Variants in ABCD2 observed in about 807,000 individuals in gnomAD.
The protein encoded by ABCD2 is ATP binding cassette subfamily D member 2, also known as ATP-binding cassette sub-family D member 2.
A neutral mutation model predicts 70.9 loss-of-function variants in ABCD2; 36 were observed. The observed-to-expected ratio is 0.51, with a 90% CI of 0.39 to 0.67. The LOEUF is 0.67. Among genes scored for constraint, ABCD2 ranks in the 30% least tolerant of loss-of-function variants. The probability of loss-of-function intolerance (pLI) is 0.00; values close to 1 mark genes in which losing one functional copy is unlikely to be tolerated. For missense variants in ABCD2, 729 were observed against 890.2 expected, an observed-to-expected ratio of 0.82 and a Z score of 2.30; for synonymous variants, 304 against 306.9, an observed-to-expected ratio of 0.99 and a Z score of 0.10.
chr12:39,600,317 A>C (rs183974170), intron 6 of ABCD2, among the ~76,000 whole-genome samples: 1,636 of 152,260 alleles, frequency 0.011, 19 homozygotes, highest in Non-Finnish European at 0.017. Flanking sequence ...TTATTCCTTG[A>C]GACTAACATC....
rs1419494696 is a variant in ABCD2, at chr12:39,551,719, T to C, written c.*2193A>G. On this transcript the variant is annotated 3_prime_UTR_variant, in exon 10 of 10. Transcript: ENST00000308666. ...AATCCTGTGCATCATAAATAATGAG[T>C]CTTTTTTGCTTTAGCTCATGGGTAA... The C allele has an allele frequency of 6.6e-6, 1 of 151,830 alleles. No homozygotes were observed. Among genetic ancestry groups the C allele is most frequent in the Non-Finnish European group, 1.5e-5 (1 of 67,750 alleles). The allele number at this position is 151,830 out of a possible 1,614,324, so 9.4% of individuals were successfully genotyped here.
chr12:39,595,250 CTTAAA>C (rs1941800938), intron 6 of ABCD2, among the ~76,000 whole-genome samples: 1 of 151,892 alleles, frequency 6.6e-6, no homozygotes. Flanking sequence ...TCTTAAGATG[CTTAAA>C]TGTGATAATC....
intron 8 of ABCD2, among the ~76,000 whole-genome samples, chr12:39,576,771 G>A (rs1941523118): frequency 6.6e-6 from 1 of 152,148 alleles, no homozygotes; most frequent in Non-Finnish European, 1.5e-5. Context: ...GGATTGGAAG[G>A]GAGGATGAGT....
At chr12:39,540,371 T>C in the ABCD2 span, among the ~76,000 whole-genome samples, 1 of 152,166 alleles carries the variant, frequency 6.6e-6, no homozygotes. Context: ...ACCCTATGTA[T>C]CCTGACTTAC....
At chr12:39,599,798 G>A (rs1216346427) in intron 6 of ABCD2, among the ~76,000 whole-genome samples, 1 of 152,206 alleles carries the variant, frequency 6.6e-6, no homozygotes, top group East Asian at 1.9e-4. Context: ...TTCCAGCCTA[G>A]GCGCTTGTTA....
intron 8 of ABCD2, among the ~76,000 whole-genome samples, chr12:39,575,947 C>T (rs1425541781): frequency 1.3e-5 from 2 of 152,162 alleles, no homozygotes; most frequent in Non-Finnish European, 2.9e-5. Flanking sequence ...TTTGGGTTAA[C>T]ATTTATTAAT....
chr12:39,531,428 G>T, the ABCD2 span, among the ~76,000 whole-genome samples: 2 of 152,162 alleles, frequency 1.3e-5, no homozygotes, highest in African/African-American at 4.8e-5. Context: ...TTGTTAGACC[G>T]TTTTGACCTT....
chr12:39,599,465 G>A (rs1244958504), intron 6 of ABCD2, among the ~76,000 whole-genome samples: 1 of 152,184 alleles, frequency 6.6e-6, no homozygotes, highest in Non-Finnish European at 1.5e-5. Context: ...AGCATAGACA[G>A]AAAGGGACAA....
chr12:39,616,936 C>T, intron 2 of ABCD2, 52 bp downstream of exon 2: 1 of 1,488,788 alleles, frequency 6.7e-7, no homozygotes, highest in Non-Finnish European at 9.0e-7. Flanking sequence ...ATGACAACTT[C>T]AAAAGAAATA....
At chr12:39,567,992 T>A in intron 9 of ABCD2, among the ~76,000 whole-genome samples, 1 of 151,838 alleles carries the variant, frequency 6.6e-6, no homozygotes, top group Non-Finnish European at 1.5e-5. Context: ...TGCTGATAGA[T>A]CAGCTGTTAG....
At chr12:39,555,694 A>G (rs983795686) in intron 9 of ABCD2, among the ~76,000 whole-genome samples, 15 of 152,178 alleles carry the variant, frequency 9.9e-5, no homozygotes, top group African/African-American at 3.4e-4. Flanking sequence ...AGACTCCTAC[A>G]GACCCTCACT....
chr12:39,531,228 T>A, the ABCD2 span, among the ~76,000 whole-genome samples: 1 of 152,288 alleles, frequency 6.6e-6, no homozygotes, highest in African/African-American at 2.4e-5. Flanking sequence ...CTGTCTTTGG[T>A]GTCCATTAAT....
intron 6 of ABCD2, among the ~76,000 whole-genome samples, chr12:39,599,990 A>T (rs1941874487): frequency 6.6e-6 from 1 of 152,172 alleles, no homozygotes; most frequent in Non-Finnish European, 1.5e-5. Context: ...AATTTTAGAC[A>T]TTTCTAATTG....
In ABCD2 at chr12:39,559,261, A is replaced by G. The variant is rs149989145; in HGVS notation, c.2004-5130T>C. On this transcript the variant is annotated intron_variant, in intron 9 of 9. Coordinates refer to ENST00000308666, the MANE Select transcript of ABCD2 (RefSeq NM_005164.4). ...GTGGTGTGTGCCTGTACTCTCAGCT[A>G]TTTGGGATGCTGAGGCAGGGCAGGA... is the stretch of plus-strand genomic sequence containing the variant. 3.2e-3 allele frequency among the ~76,000 whole-genome samples: 479 copies of G among 150,784 alleles called. 6 individuals carry two copies. Among genetic ancestry groups the G allele is most frequent in the African/African-American group, 0.011 (470 of 41,228 alleles).
At chr12:39,610,073 G>A (rs1942024846) in intron 2 of ABCD2, among the ~76,000 whole-genome samples, 3 of 152,158 alleles carry the variant, frequency 2.0e-5, no homozygotes, top group South Asian at 4.1e-4. Context: ...TAGATTTTGA[G>A]AGACGTCTTG....
downstream of ABCD2, among the ~76,000 whole-genome samples, chr12:39,546,462 G>C (rs1000757023): frequency 2.6e-5 from 4 of 152,072 alleles, no homozygotes; most frequent in Non-Finnish European, 4.4e-5. Context: ...AGTCTAAGAA[G>C]GGTGGAGGTT....
intron 6 of ABCD2, among the ~76,000 whole-genome samples, chr12:39,598,567 A>G (rs1449425777): frequency 1.3e-5 from 2 of 151,796 alleles, no homozygotes; most frequent in African/African-American, 4.8e-5. Context: ...CACCCGGCTA[A>G]TTTTGTATTC....
Position 39,568,011 on chromosome 12 carries a change from G to C in ABCD2, c.2003+5705C>G, listed in dbSNP as rs546227730. Among the ~76,000 whole-genome samples the C allele has an allele frequency of 1.4e-3, 207 of 151,878 alleles. 1 individual carries two copies. Among genetic ancestry groups the C allele is most frequent in the African/African-American group, 4.9e-3 (201 of 41,278 alleles). On this transcript the variant is annotated intron_variant, in intron 9 of 9. Coordinates refer to ENST00000308666, the MANE Select transcript of ABCD2 (RefSeq NM_005164.4). Reference sequence around the variant, plus strand: ...GATAGATCAGCTGTTAGTCTGATGGGCTTCCCTTTGTGGGTAACCCCACCT... The same window carrying C: ...GATAGATCAGCTGTTAGTCTGATGGCCTTCCCTTTGTGGGTAACCCCACCT...
At chr12:39,590,141 T>C (rs1382317866) in intron 6 of ABCD2, among the ~76,000 whole-genome samples, 1 of 152,204 alleles carries the variant, frequency 6.6e-6, no homozygotes, top group African/African-American at 2.4e-5. Context: ...AATTTAACAT[T>C]TTGAGTCAGT....
Sources: gnomAD v4.1 joint callset for allele counts (sites outside exome capture counted in the v4.1 genomes callset) on GRCh38, gnomAD v4.1.1 for gene constraint, MANE v1.5 for transcripts, NCBI Gene and HGNC (gene_info 2026-07-23, HGNC 2026-07-21) for gene names.